The following GLI2 variants were observed in gnomAD, a reference collection of about 807,000 sequenced individuals.
The protein encoded by GLI2 is GLI family zinc finger 2.
A neutral mutation model predicts 78.9 loss-of-function variants in GLI2; 22 were observed. That is an observed-to-expected ratio of 0.28 (90% CI 0.20 to 0.40). The LOEUF is 0.40. GLI2 is among the 10% of genes least tolerant of loss of function. GLI2 has a pLI of 1.00. For synonymous variants in GLI2, 974 were observed against 963.7 expected (o/e 1.01, Z -0.20); for missense variants, 2,097 against 2,213.2 (o/e 0.95, Z 1.05).
At chr2:120,952,301 C>T (rs1395149405) in intron 4 of GLI2, among the ~76,000 whole-genome samples, 1 of 152,234 alleles carries the variant, frequency 6.6e-6, no homozygotes, top group African/African-American at 2.4e-5. Flanking sequence ...CTTGACCTCT[C>T]AGGCTAGAGG....
chr2:120,892,674 T>C (rs147225445), intron 2 of GLI2, among the ~76,000 whole-genome samples: 2 of 152,358 alleles, frequency 1.3e-5, no homozygotes, highest in East Asian at 3.9e-4. Flanking sequence ...TCAGTAACCC[T>C]ACTTAACAAA....
intron 2 of GLI2, among the ~76,000 whole-genome samples, chr2:120,831,976 G>A (rs1163180827): frequency 1.1e-4 from 16 of 152,178 alleles, no homozygotes; most frequent in Admixed American, 9.8e-4. Context: ...CCCACCCATC[G>A]CTTCCCATAT....
At chr2:120,926,022 G>A (rs1378769050) in intron 2 of GLI2, among the ~76,000 whole-genome samples, 9 of 118,726 alleles carry the variant, frequency 7.6e-5, no homozygotes, top group Admixed American at 1.2e-4. Context: ...GCAGTGAGCC[G>A]AGATCGCTCC....
chr2:120,798,569 G>A (rs1003719641), intron 2 of GLI2, among the ~76,000 whole-genome samples: 2 of 152,324 alleles, frequency 1.3e-5, no homozygotes, highest in African/African-American at 4.8e-5. Context: ...ATTGGGATGT[G>A]TGGCTCATGT....
rs993615377 is a variant in GLI2, at chr2:120,990,944, G to A, written c.*269G>A. ...TTTACACAGTGCTTTCCAGCCTTTG[G>A]TGCTTACAGGACCGCGCTGTTCCGG... On this transcript the variant is annotated 3_prime_UTR_variant, in exon 14 of 14. Coordinates refer to ENST00000361492, the MANE Select transcript of GLI2 (RefSeq NM_001374353.1). 1.0e-5 allele frequency: 5 copies of A among 499,424 alleles called. No individual in the cohort carries two copies. The highest frequency in any genetic ancestry group is 3.4e-5 in the East Asian group (1 of 29,686). The allele number at this position is 499,424 out of a possible 1,614,324, so 30.9% of individuals were successfully genotyped here. A position where few individuals can be genotyped will look rare whatever the true frequency, so the allele number is the denominator to read the frequency against.
intron 9 of GLI2, among the ~76,000 whole-genome samples, chr2:120,976,007 T>C (rs1429206609): frequency 6.6e-6 from 1 of 152,168 alleles, no homozygotes; most frequent in Non-Finnish European, 1.5e-5. Flanking sequence ...TCCTCCTGCC[T>C]GTTCCCCACA....
chr2:120,964,972 C>T (rs1250250950), intron 5 of GLI2, among the ~76,000 whole-genome samples: 2 of 152,258 alleles, frequency 1.3e-5, no homozygotes, highest in African/African-American at 4.8e-5. Flanking sequence ...AGCATAGTTG[C>T]TTTGCTGCTT....
chr2:120,877,783 C>T (rs1249196823), intron 2 of GLI2, among the ~76,000 whole-genome samples: 1 of 152,064 alleles, frequency 6.6e-6, no homozygotes. Context: ...TGTTGATGGG[C>T]ATTTGGGTTG....
chr2:120,933,829 A>G (rs1284802497), intron 3 of GLI2, among the ~76,000 whole-genome samples: 1 of 147,226 alleles, frequency 6.8e-6, no homozygotes, highest in African/African-American at 2.5e-5. Context: ...GTTGCTTTTG[A>G]GGACCTTTCC....
At chr2:120,743,882 C>G (rs1272180178) in intron 1 of GLI2, among the ~76,000 whole-genome samples, 2 of 152,202 alleles carry the variant, frequency 1.3e-5, no homozygotes, top group Non-Finnish European at 2.9e-5. Context: ...AGATCAGAGT[C>G]TGGAGAAAGG....
chr2:120,988,558 A>T lies in GLI2; in HGVS notation c.2593A>T (p.Thr865Ser), dbSNP rs1332140763. The change falls in exon 14 of 14, where the codon ACG becomes TCG. Residue 865 changes from threonine (T) to serine (S), a missense_variant. Thr to Ser is a moderately conservative substitution (Grantham distance 58). Transcript: ENST00000361492. Reference sequence around the variant, plus strand: ...CGGCGGCTCCGGGCTGCTCAACCTCACGCCGGCGCAGCAGTACAGCCTGCG... The same window carrying T: ...CGGCGGCTCCGGGCTGCTCAACCTCTCGCCGGCGCAGCAGTACAGCCTGCG... Reference protein sequence around the residue: ...CSGGSGLLNLTPAQQYSLRAK... With the variant: ...CSGGSGLLNLSPAQQYSLRAK... 4 of 1,499,366 alleles carry T rather than the reference A, an allele frequency of 2.7e-6. No homozygotes were observed. Among genetic ancestry groups the T allele is most frequent in the Non-Finnish European group, 3.5e-6 (4 of 1,130,986 alleles). The allele number at this position is 1,499,366 out of a possible 1,614,324, so 92.9% of individuals were successfully genotyped here. A position where few individuals can be genotyped will look rare whatever the true frequency, so the allele number is the denominator to read the frequency against.
chr2:120,978,647 G>A (rs113532748), intron 10 of GLI2, 64 bp downstream of exon 10: 17 of 1,568,504 alleles, frequency 1.1e-5, no homozygotes, highest in African/African-American at 8.1e-5. Context: ...AGGCCGGGGG[G>A]ATCATGTTTG....
At chr2:120,804,253 C>T (rs568351648) in intron 2 of GLI2, among the ~76,000 whole-genome samples, 13 of 152,344 alleles carry the variant, frequency 8.5e-5, no homozygotes, top group East Asian at 1.9e-4. Context: ...TCCATTGGTA[C>T]GTACCTCCAA....
In GLI2 at chr2:120,737,940, C is replaced by G. The variant is rs1475859006; in HGVS notation, c.-31+1655C>G. Among the ~76,000 whole-genome samples, 1 of 152,168 alleles carries G rather than the reference C, an allele frequency of 6.6e-6. No individual in the cohort carries two copies. Among genetic ancestry groups the G allele is most frequent in the Admixed American group, 6.5e-5 (1 of 15,290 alleles). ...GCCTCCCTGATGAGACCAGTTTGTT[C>G]CAGCCACCTCACCTGCCAGCTTTCT... On this transcript the variant is annotated intron_variant, in intron 1 of 13. Transcript: ENST00000361492. The surrounding 1 kb of genome is among the most constrained non-coding windows in gnomAD (Gnocchi z 4.3).
chr2:120,740,680 C>A (rs1447361354), intron 1 of GLI2, among the ~76,000 whole-genome samples: 1 of 152,172 alleles, frequency 6.6e-6, no homozygotes, highest in African/African-American at 2.4e-5. Flanking sequence ...CATTCTCTGG[C>A]CTTTTTCACA....
At chr2:120,848,955 G>A (rs1343939226) in intron 2 of GLI2, among the ~76,000 whole-genome samples, 1 of 152,176 alleles carries the variant, frequency 6.6e-6, no homozygotes, top group East Asian at 1.9e-4. Flanking sequence ...ATGAAGGCAA[G>A]GATAAACAAA....
intron 5 of GLI2, among the ~76,000 whole-genome samples, chr2:120,968,490 T>C (rs1191865430): frequency 6.6e-6 from 1 of 152,220 alleles, no homozygotes; most frequent in African/African-American, 2.4e-5. Flanking sequence ...TTACATGCAC[T>C]TCTCCAGTCC....
rs780598193 is a variant in GLI2 at position 120,989,548 on chromosome 2, C to A, written c.3583C>A (p.Pro1195Thr). ...ACACCTGCAGCCCCGCAGCGGAGCC[C>A]CCTCCCAGGGCATCCCCAGGGTAAA... ...QPHLQPRSGA[P>T]SQGIPRVNYM... The change falls in exon 14 of 14, where the codon CCC becomes ACC. Residue 1195 changes from proline to threonine, a missense_variant. Physicochemically the swap from Pro to Thr is conservative, Grantham distance 38 (BLOSUM62 -1). This residue lies in a region of GLI2 where 1,290 missense variants were observed against 1,261.7 expected (regional missense o/e 1.02). Transcript: ENST00000361492. 2.9e-5 allele frequency: 46 copies of A among 1,612,672 alleles called. No homozygotes were observed. The African/African-American group carries it at 5.5e-4, about 19-fold the overall frequency.
In GLI2 at chr2:120,932,043, G is replaced by A. The variant is rs116435958; in HGVS notation, c.254+4577G>A. 2.6e-3 allele frequency among the ~76,000 whole-genome samples: 400 copies of A among 152,218 alleles called. 1 individual carries two copies. The highest frequency in any genetic ancestry group is 9.1e-3 in the African/African-American group (378 of 41,518). ...GAAAGCCCATGCCCTCACCTCTTCC[G>A]CCCCCAGTGTCCCAGGTGAGAACCA... On this transcript the variant is annotated intron_variant, in intron 3 of 13. Coordinates refer to ENST00000361492, the MANE Select transcript of GLI2 (RefSeq NM_001374353.1).
Sources: allele counts gnomAD v4.1 joint callset (sites outside exome capture counted in the v4.1 genomes callset), GRCh38; gene constraint gnomAD v4.1.1; regional missense constraint gnomAD v4.1.1; non-coding constraint Gnocchi (gnomAD v3.1); transcripts MANE v1.5; gene names NCBI Gene and HGNC (gene_info 2026-07-23, HGNC 2026-07-21).